PIK3CD: variants seen among roughly 807,000 people sequenced by gnomAD.
The protein encoded by PIK3CD is phosphatidylinositol 4,5-bisphosphate 3-kinase catalytic subunit delta isoform.
Under a neutral mutation model 122.9 loss-of-function variants are expected in PIK3CD, and 20 were observed. The observed-to-expected ratio is 0.16, with a 90% CI of 0.11 to 0.24. The LOEUF is 0.24. Among genes scored for constraint, PIK3CD ranks in the 10% least tolerant of loss-of-function variants. The pLI, the probability that PIK3CD is intolerant of heterozygous loss-of-function variation, is 1.00. For missense variants in PIK3CD, 787 were observed against 1,406.3 expected, an observed-to-expected ratio of 0.56 and a Z score of 7.04; for synonymous variants, 596 against 593.4, an observed-to-expected ratio of 1.00 and a Z score of -0.06.
chr1:9,688,786 C>T (rs1646071251), intron 1 of PIK3CD, among the ~76,000 whole-genome samples: 1 of 151,976 alleles, frequency 6.6e-6, no homozygotes, highest in African/African-American at 2.4e-5. Flanking sequence ...TATGATCGCA[C>T]CACTGCACCC....
intron 1 of PIK3CD, among the ~76,000 whole-genome samples, chr1:9,686,365 C>CTTTTTT (rs59087456): frequency 7.3e-6 from 1 of 137,694 alleles, no homozygotes; most frequent in Admixed American, 7.3e-5. Flanking sequence ...GGCTAATTTT[C>CTTTTTT]TTTTTTTTTT....
the PIK3CD span, among the ~76,000 whole-genome samples, chr1:9,632,648 T>C: frequency 6.6e-6 from 1 of 152,066 alleles, no homozygotes; most frequent in Non-Finnish European, 1.5e-5. Flanking sequence ...GTGGGTTGGG[T>C]CAATTGAACA....
In PIK3CD at chr1:9,719,891, G is replaced by A; in HGVS notation, c.1243-30G>A. ...AGCTGGGTCTGGAGGCCCCTGAGTG[G>A]CTGTCCTCACCTGCCCTGTCCTTCT... On this transcript the variant is annotated intron_variant, in intron 9 of 23. Transcript: ENST00000377346. This position sits in a 1 kb window ranked among gnomAD's most constrained non-coding sequence, Gnocchi z 5.5. 1 of 1,590,232 alleles carries A rather than the reference G, an allele frequency of 6.3e-7. No homozygotes were observed. The highest frequency in any genetic ancestry group is 8.6e-7 in the Non-Finnish European group (1 of 1,158,948).
intron 1 of PIK3CD, among the ~76,000 whole-genome samples, chr1:9,678,839 T>C (rs1385480023): frequency 6.6e-6 from 1 of 152,202 alleles, no homozygotes; most frequent in Non-Finnish European, 1.5e-5. Flanking sequence ...TTTAAATCCT[T>C]TGTCCTAAAT....
At chr1:9,658,782 G>A (rs1320033863) in intron 1 of PIK3CD, among the ~76,000 whole-genome samples, 3 of 151,988 alleles carry the variant, frequency 2.0e-5, no homozygotes, top group East Asian at 1.9e-4. Flanking sequence ...TACCTGCCTC[G>A]GCCTCCCAAA....
chr1:9,632,861 CTTTTT>C, the PIK3CD span, among the ~76,000 whole-genome samples: 5 of 128,636 alleles, frequency 3.9e-5, no homozygotes, highest in Non-Finnish European at 6.8e-5. Context: ...CAACCTGATT[CTTTTT>C]TTTTTTTTTT....
Position 9,717,143 on chromosome 1 carries a change from C to A in PIK3CD, c.930+35C>A. 6.2e-7 allele frequency: 1 copy of A among 1,613,004 alleles called. No homozygotes were observed. The highest frequency in any genetic ancestry group is 8.5e-7 in the Non-Finnish European group (1 of 1,179,504). On this transcript the variant is annotated intron_variant, in intron 7 of 23. Coordinates refer to ENST00000377346, the MANE Select transcript of PIK3CD (RefSeq NM_005026.5). This position sits in a 1 kb window ranked among gnomAD's most constrained non-coding sequence, Gnocchi z 5.4. The stretch of plus-strand genomic sequence containing the variant: ...CGCCTTCCGCCTCCCCTCTGAGCCA[C>A]CCCTTCTTTCCACCTGGCGTCCAAC...
Position 9,723,262 on chromosome 1 carries a change from T to C in PIK3CD, c.2564T>C (p.Leu855Pro). Residue 855 changes from leucine (L) to proline (P), a missense_variant, in exon 20 of 24, where the codon CTG (leucine) becomes CCG (proline). Around this residue, in one of 6 missense-constraint regions of PIK3CD, gnomAD observed 69 missense variants for 166.8 expected, o/e 0.41. Coordinates refer to ENST00000377346, the MANE Select transcript of PIK3CD (RefSeq NM_005026.5). The surrounding 1 kb of genome is among the most constrained non-coding windows in gnomAD (Gnocchi z 4.9). ...ACAGCCGCCTTCAACAAGGATGCCC[T>C]GCTCAACTGGCTGAAGTCCAAGAAC... ...AATAAFNKDA[L>P]LNWLKSKNPG... The C allele has an allele frequency of 6.2e-7, 1 of 1,614,048 alleles. No homozygotes were observed. Among genetic ancestry groups the C allele is most frequent in the Non-Finnish European group, 8.5e-7 (1 of 1,180,042 alleles).
the PIK3CD span, among the ~76,000 whole-genome samples, chr1:9,631,463 T>C: frequency 6.6e-6 from 1 of 152,242 alleles, no homozygotes. Flanking sequence ...AAGACCAGCC[T>C]GGACAACATG....
Position 9,652,475 on chromosome 1 carries a change from C to T in PIK3CD, c.-138+673C>T, listed in dbSNP as rs567425604. 6.6e-6 allele frequency: 1 copy of T among 152,224 alleles called. No individual in the cohort carries two copies. The highest frequency in any genetic ancestry group is 2.4e-5 in the African/African-American group (1 of 41,468). The allele number at this position is 152,224 out of a possible 1,614,324, so 9.4% of individuals were successfully genotyped here. On this transcript the variant is annotated intron_variant, in intron 1 of 23. Transcript: ENST00000377346. This position sits in a 1 kb window ranked among gnomAD's most constrained non-coding sequence, Gnocchi z 6.2. The stretch of plus-strand genomic sequence containing the variant: ...GTCCCGGGCCTCCCGCGTTGCTCGC[C>T]GCGTTTGCTGCAGCGGCGCAGGCGA...
At chr1:9,681,390 A>C (rs1645744876) in intron 1 of PIK3CD, among the ~76,000 whole-genome samples, 1 of 152,106 alleles carries the variant, frequency 6.6e-6, no homozygotes, top group Admixed American at 6.6e-5. Flanking sequence ...GGTATGCATC[A>C]CCATGCCTGG....
chr1:9,654,278 GT>G, intron 1 of PIK3CD: 1 of 1,367,686 alleles, frequency 7.3e-7, no homozygotes, highest in South Asian at 1.1e-5. Context: ...GGAAAAGCGC[GT>G]TTCTGCGTTT....
Position 9,727,092 on chromosome 1 carries a change from TG to T in PIK3CD, c.*50del. The stretch of plus-strand genomic sequence containing the variant: ...CCCAAGAGGAGGCGGCTGCGGGTCG[TG>T]GGGACCAAGCACATTGGTCCTAAAG... On this transcript the variant is annotated 3_prime_UTR_variant, in exon 24 of 24. Coordinates refer to ENST00000377346, the MANE Select transcript of PIK3CD (RefSeq NM_005026.5). 6.2e-7 allele frequency: 1 copy of T among 1,612,488 alleles called. No homozygotes were observed. The highest frequency in any genetic ancestry group is 1.1e-5 in the South Asian group (1 of 90,924).
intron 1 of PIK3CD, among the ~76,000 whole-genome samples, chr1:9,672,063 G>C (rs1308772491): frequency 6.6e-6 from 1 of 152,136 alleles, no homozygotes; most frequent in Non-Finnish European, 1.5e-5. Flanking sequence ...CAGTAACCTT[G>C]ACCCTGATGG....
rs1649008880 is a variant in PIK3CD at position 9,723,457 on chromosome 1, C to G, written c.2594+165C>G. Among the ~76,000 whole-genome samples, 1 of 152,172 alleles carries G rather than the reference C, an allele frequency of 6.6e-6. No individual in the cohort carries two copies. Among genetic ancestry groups the G allele is most frequent in the Non-Finnish European group, 1.5e-5 (1 of 68,028 alleles). ...GTGTCTGGGTTGGGGTGAGGTAGGT[C>G]TCTCTTCCCCAAGTATCAGTGTCTC... is the stretch of plus-strand genomic sequence containing the variant. On this transcript the variant is annotated intron_variant, in intron 20 of 23. Transcript: ENST00000377346. The surrounding 1 kb of genome is among the most constrained non-coding windows in gnomAD (Gnocchi z 4.9).
chr1:9,696,436 TAATAA>T (rs1408544779), intron 2 of PIK3CD, among the ~76,000 whole-genome samples: 1 of 149,108 alleles, frequency 6.7e-6, no homozygotes. Flanking sequence ...GAAATAATAA[TAATAA>T]AATTTAAAAA....
chr1:9,679,633 C>G (rs1036288344), intron 1 of PIK3CD, among the ~76,000 whole-genome samples: 1 of 152,168 alleles, frequency 6.6e-6, no homozygotes, highest in South Asian at 2.1e-4. Flanking sequence ...CCCAGCCCTA[C>G]AGGTGGCCAG....
upstream of PIK3CD, among the ~76,000 whole-genome samples, chr1:9,647,481 A>AATTATTATTATT (rs61118085): frequency 0.049 from 6,799 of 139,386 alleles, 225 homozygotes; most frequent in Admixed American, 0.085. Flanking sequence ...TCATGATTCT[A>AATTATTATTATT]ATTATTATTA....
At chr1:9,673,498 T>C (rs1397523756) in intron 1 of PIK3CD, among the ~76,000 whole-genome samples, 1 of 152,062 alleles carries the variant, frequency 6.6e-6, no homozygotes, top group Non-Finnish European at 1.5e-5. Flanking sequence ...TGACTTCAAG[T>C]GATCCACCCA....
Sources: allele counts gnomAD v4.1 joint callset (sites outside exome capture counted in the v4.1 genomes callset), GRCh38; gene constraint gnomAD v4.1.1; regional missense constraint gnomAD v4.1.1; non-coding constraint Gnocchi (gnomAD v3.1); transcripts MANE v1.5; gene names NCBI Gene and HGNC (gene_info 2026-07-23, HGNC 2026-07-21).